The following ENTHD1 variants were observed in gnomAD, a reference collection of about 807,000 sequenced individuals.
ENTHD1 encodes the protein ENTH domain-containing protein 1.
Under a neutral mutation model 39.1 loss-of-function variants are expected in ENTHD1, and 23 were observed. The observed-to-expected ratio is 0.59, with a 90% CI of 0.42 to 0.83. The LOEUF (loss-of-function observed/expected upper bound fraction) is 0.83. ENTHD1 is among the 40% of genes least tolerant of loss of function. The pLI is 0.00. For synonymous variants in ENTHD1, 230 were observed against 258.2 expected (o/e 0.89, Z 1.05); for missense variants, 624 against 705.4 (o/e 0.88, Z 1.31).
chr22:39,780,805 T>C (rs971763391), intron 5 of ENTHD1, among the ~76,000 whole-genome samples: 3 of 152,142 alleles, frequency 2.0e-5, no homozygotes, highest in African/African-American at 7.2e-5. Context: ...GAGACCATGC[T>C]GGCTAACACA....
chr22:39,758,183 T>C (rs762867076), intron 6 of ENTHD1, among the ~76,000 whole-genome samples: 10 of 152,178 alleles, frequency 6.6e-5, no homozygotes, highest in Non-Finnish European at 1.5e-4. Context: ...CTTTGAGATC[T>C]TCCACACAGA....
intron 5 of ENTHD1, among the ~76,000 whole-genome samples, chr22:39,774,061 CAT>C (rs1266644782): frequency 6.6e-6 from 1 of 152,174 alleles, no homozygotes; most frequent in Non-Finnish European, 1.5e-5. Flanking sequence ...AATCTAGAGA[CAT>C]AGACAGAACC....
chr22:39,823,430 A>C (rs970228179), intron 4 of ENTHD1, among the ~76,000 whole-genome samples: 2 of 152,050 alleles, frequency 1.3e-5, no homozygotes, highest in Non-Finnish European at 2.9e-5. Flanking sequence ...CAGCAGCCTC[A>C]ACTTCCCAGG....
intron 5 of ENTHD1, among the ~76,000 whole-genome samples, chr22:39,805,153 A>C (rs145696552): frequency 1.3e-4 from 20 of 152,302 alleles, no homozygotes; most frequent in African/African-American, 4.6e-4. Flanking sequence ...TCTGTGAATG[A>C]AATAGAGAAA....
chr22:39,875,094 T>C (rs1278644755), intron 2 of ENTHD1, among the ~76,000 whole-genome samples: 6 of 152,156 alleles, frequency 3.9e-5, no homozygotes, highest in Non-Finnish European at 7.4e-5. Flanking sequence ...CAGCAAAAGA[T>C]GGATAAACTG....
At chr22:39,816,441 C>T (rs1010204038) in intron 5 of ENTHD1, among the ~76,000 whole-genome samples, 39 of 152,098 alleles carry the variant, frequency 2.6e-4, no homozygotes, top group Non-Finnish European at 5.6e-4. Context: ...AAATAGTATA[C>T]ATTAACACTA....
intron 4 of ENTHD1, among the ~76,000 whole-genome samples, chr22:39,830,841 G>C (rs1367687409): frequency 6.6e-6 from 1 of 152,184 alleles, no homozygotes; most frequent in Non-Finnish European, 1.5e-5. Flanking sequence ...AGCCAAGATG[G>C]TTCTGTATGT....
At chr22:39,828,479 C>A (rs1047310114) in intron 4 of ENTHD1, among the ~76,000 whole-genome samples, 1 of 152,142 alleles carries the variant, frequency 6.6e-6, no homozygotes, top group Non-Finnish European at 1.5e-5. Context: ...TAATAAATGG[C>A]ATCCCAATAA....
In ENTHD1 at chr22:39,798,739, G is replaced by A. The variant is rs984870565; in HGVS notation, c.832+22254C>T. ...TTGGGCTTCCACGTGGCTTGTTCTG[G>A]AGCCAGCAGTGGCAGTGGTGAGCTG... On this transcript the variant is annotated intron_variant, in intron 5 of 6. Transcript: ENST00000325157. 5.9e-5 allele frequency among the ~76,000 whole-genome samples: 9 copies of A among 152,136 alleles called. 1 individual carries two copies. The highest frequency in any genetic ancestry group is 1.3e-4 in the Non-Finnish European group (9 of 68,022).
rs117564573 is a variant in ENTHD1 at position 39,772,504 on chromosome 22, G to A, written c.833-6895C>T. On this transcript the variant is annotated intron_variant, in intron 5 of 6. Coordinates refer to ENST00000325157, the MANE Select transcript of ENTHD1 (RefSeq NM_152512.4). Reference sequence around the variant, plus strand: ...TAAAGGTGTATAATTTAATCCCTTGGTATAACTACCAAGTCTAATAGGTAA... The same window carrying A: ...TAAAGGTGTATAATTTAATCCCTTGATATAACTACCAAGTCTAATAGGTAA... 7.0e-3 allele frequency among the ~76,000 whole-genome samples: 1,064 copies of A among 152,222 alleles called. 10 individuals carry two copies. The highest frequency in any genetic ancestry group is 0.011 in the Non-Finnish European group (778 of 68,002).
In ENTHD1 at chr22:39,876,095, G is replaced by C. The variant is rs142620736; in HGVS notation, c.349+11305C>G. The C allele has an allele frequency of 1.4e-4, 219 of 1,607,454 alleles. 1 individual carries two copies. The African/African-American group carries it at 2.3e-3, about 17-fold the overall frequency. On this transcript the variant is annotated intron_variant, in intron 2 of 6. Coordinates refer to ENST00000325157, the MANE Select transcript of ENTHD1 (RefSeq NM_152512.4). ...CCCCACGTATGAGTTCACCAGTGAC[G>C]ATATGGTGATTGTTGGTTAGAGACT... is the stretch of plus-strand genomic sequence containing the variant.
chr22:39,886,112 A>G (rs1414752636), intron 2 of ENTHD1, among the ~76,000 whole-genome samples: 1 of 152,146 alleles, frequency 6.6e-6, no homozygotes, highest in Non-Finnish European at 1.5e-5. Flanking sequence ...CTATGAAAGA[A>G]CATGGAGGAA....
chr22:39,869,944 A>T (rs2146741526), intron 2 of ENTHD1, among the ~76,000 whole-genome samples: 1 of 152,068 alleles, frequency 6.6e-6, no homozygotes, highest in African/African-American at 2.4e-5. Flanking sequence ...AAACCAGACT[A>T]GAACAGCTGA....
At chr22:39,872,715 G>A (rs1247558011) in intron 2 of ENTHD1, among the ~76,000 whole-genome samples, 1 of 152,110 alleles carries the variant, frequency 6.6e-6, no homozygotes, top group Non-Finnish European at 1.5e-5. Flanking sequence ...ACAATGGGGA[G>A]TATTATACTA....
chr22:39,757,445 A>C (rs989848543), intron 6 of ENTHD1, among the ~76,000 whole-genome samples: 1 of 151,956 alleles, frequency 6.6e-6, no homozygotes, highest in Non-Finnish European at 1.5e-5. Context: ...TAAATTTAAA[A>C]AAAATTAAAA....
rs1334051192 is a variant in ENTHD1, at chr22:39,867,183, G to A, written c.350-5176C>T. On this transcript the variant is annotated intron_variant, in intron 2 of 6. Coordinates refer to ENST00000325157, the MANE Select transcript of ENTHD1 (RefSeq NM_152512.4). The surrounding 1 kb of genome is among the most constrained non-coding windows in gnomAD (Gnocchi z 4.5). ...CTCCCAAAGTGCTGGGATTACAGGC[G>A]TGAGCCACCGCGCCCGGCCCGAGAA... Among the ~76,000 whole-genome samples, 2 of 152,132 alleles carry A rather than the reference G, an allele frequency of 1.3e-5. No homozygotes were observed. Among genetic ancestry groups the A allele is most frequent in the Admixed American group, 6.5e-5 (1 of 15,282 alleles).
intron 3 of ENTHD1, among the ~76,000 whole-genome samples, chr22:39,854,688 A>G (rs2066070947): frequency 6.6e-6 from 1 of 152,174 alleles, no homozygotes; most frequent in Non-Finnish European, 1.5e-5. Flanking sequence ...AAAACTTGGG[A>G]AAACATCCAA....
intron 3 of ENTHD1, among the ~76,000 whole-genome samples, chr22:39,839,073 A>G (rs1303337584): frequency 6.6e-6 from 1 of 152,148 alleles, no homozygotes; most frequent in African/African-American, 2.4e-5. Flanking sequence ...AATATTTACA[A>G]CGTGCCAGAA....
rs373822899 is a variant in ENTHD1, at chr22:39,887,633, T to C, written c.116A>G (p.Asp39Gly). 7.4e-5 allele frequency: 120 copies of C among 1,614,032 alleles called. No homozygotes were observed. The highest frequency in any genetic ancestry group is 9.8e-5 in the Non-Finnish European group (116 of 1,180,026). The change falls in exon 2 of 7, where the codon GAT becomes GGT. Residue 39 changes from aspartate (D) to glycine (G), a missense_variant. Transcript: ENST00000325157. Reference sequence around the variant, plus strand: ...TGTGTTGAAAGTCAAGTCACTGATATCTAACATCAGAGAACTAGAGGGACC... The same window carrying C: ...TGTGTTGAAAGTCAAGTCACTGATACCTAACATCAGAGAACTAGAGGGACC... ...PWGPSSSLMLDISDLTFNTIS... is the reference protein window; with the variant it reads ...PWGPSSSLMLGISDLTFNTIS...
Sources: allele counts gnomAD v4.1 joint callset (sites outside exome capture counted in the v4.1 genomes callset), GRCh38; gene constraint gnomAD v4.1.1; non-coding constraint Gnocchi (gnomAD v3.1); transcripts MANE v1.5; gene names NCBI Gene and HGNC (gene_info 2026-07-23, HGNC 2026-07-21).